Variants in CDH4 observed in about 807,000 individuals in gnomAD.
The protein encoded by CDH4 is cadherin-4.
Under a neutral mutation model 86.0 loss-of-function variants are expected in CDH4, and 33 were observed. The observed-to-expected ratio is 0.38, with a 90% CI of 0.29 to 0.51. The LOEUF (loss-of-function observed/expected upper bound fraction) is 0.51, where lower values mean the gene tolerates loss of function less well. CDH4 is among the 20% of genes least tolerant of loss of function. CDH4 has a pLI of 0.86. For missense variants in CDH4, 1,114 were observed against 1,307.4 expected (o/e 0.85, Z 2.28); for synonymous variants, 555 against 549.4 (o/e 1.01, Z -0.14).
At chr20:61,260,991 C>G (rs1382785306) in intron 2 of CDH4, among the ~76,000 whole-genome samples, 1 of 152,214 alleles carries the variant, frequency 6.6e-6, no homozygotes, top group Non-Finnish European at 1.5e-5. Context: ...CCTGGTAGCC[C>G]TGGTTAGAAA....
rs2054732578 is a variant in CDH4 at position 61,902,033 on chromosome 20, A to C, written c.1188+6986A>C. ...CAGACAAAAATTAAGTACAGCAGCA[A>C]ATCACCAAGATGCAGTCCTGCGTGT... On this transcript the variant is annotated intron_variant, in intron 8 of 15. Transcript: ENST00000614565. This position sits in a 1 kb window ranked among gnomAD's most constrained non-coding sequence, Gnocchi z 4.6. Among the ~76,000 whole-genome samples the C allele has an allele frequency of 6.6e-6, 1 of 152,190 alleles. No homozygotes were observed. Among genetic ancestry groups the C allele is most frequent in the Non-Finnish European group, 1.5e-5 (1 of 68,024 alleles).
chr20:61,751,221 T>C (rs1431299843), intron 3 of CDH4, among the ~76,000 whole-genome samples: 2 of 152,208 alleles, frequency 1.3e-5, no homozygotes, highest in African/African-American at 2.4e-5. Context: ...TCCTGTGTGC[T>C]ACAGGATAGT....
At chr20:61,520,612 G>C (rs2085861575) in intron 2 of CDH4, among the ~76,000 whole-genome samples, 1 of 152,196 alleles carries the variant, frequency 6.6e-6, no homozygotes, top group Non-Finnish European at 1.5e-5. Context: ...CAGGCACCAG[G>C]CTTGGCATTT....
chr20:61,361,376 T>C (rs749538782), intron 2 of CDH4, among the ~76,000 whole-genome samples: 1 of 152,070 alleles, frequency 6.6e-6, no homozygotes, highest in South Asian at 2.1e-4. Context: ...AGGGAGAACT[T>C]GTAGAAATGG....
At position 61,487,034 on chromosome 20, in the gene CDH4, G is replaced by C. The variant is rs116874108; in HGVS notation, c.169+232097G>C. On this transcript the variant is annotated intron_variant, in intron 2 of 15. Transcript: ENST00000614565. ...CTGGAGTCACAGTCAAGGTCAGCTA[G>C]ATTTTCTCCTATGTTATCTTCCAGG... Among the ~76,000 whole-genome samples the C allele has an allele frequency of 1.4e-3, 208 of 152,308 alleles. 1 individual carries two copies. The highest frequency in any genetic ancestry group is 0.01 in the Middle Eastern group (3 of 294).
At chr20:61,808,227 C>T (rs1023585294) in intron 4 of CDH4, among the ~76,000 whole-genome samples, 6 of 151,958 alleles carry the variant, frequency 3.9e-5, no homozygotes, top group African/African-American at 1.2e-4. Flanking sequence ...AAAATCACCC[C>T]GTCTCAGCCA....
At position 61,377,524 on chromosome 20, in the gene CDH4, C is replaced by T. The variant is rs1038901592; in HGVS notation, c.169+122587C>T. ...TTGTATAAAGAGGAGGCTGTGGTTA[C>T]GGTGACCTTCAAATGTCCTTGTTAA... On this transcript the variant is annotated intron_variant, in intron 2 of 15. Coordinates refer to ENST00000614565, the MANE Select transcript of CDH4 (RefSeq NM_001794.5). This position sits in a 1 kb window ranked among gnomAD's most constrained non-coding sequence, Gnocchi z 4.0. Among the ~76,000 whole-genome samples, 3 of 152,174 alleles carry T rather than the reference C, an allele frequency of 2.0e-5. No homozygotes were observed. The highest frequency in any genetic ancestry group is 1.3e-4 in the Admixed American group (2 of 15,276).
intron 2 of CDH4, among the ~76,000 whole-genome samples, chr20:61,444,110 G>A (rs111164176): frequency 0.029 from 4,329 of 151,336 alleles, 97 homozygotes; most frequent in Non-Finnish European, 0.044. Context: ...GTGTGTGATT[G>A]TGTGTATCTC....
In CDH4 at chr20:61,301,964, G is replaced by A. The variant is rs78749984; in HGVS notation, c.169+47027G>A. ...ACATGCGCTTTTACGCCATACTTCC[G>A]TTGCTGACTGACAATATTGGAAGTT... On this transcript the variant is annotated intron_variant, in intron 2 of 15. Coordinates refer to ENST00000614565, the MANE Select transcript of CDH4 (RefSeq NM_001794.5). 6.0e-3 allele frequency among the ~76,000 whole-genome samples: 911 copies of A among 152,326 alleles called. 10 individuals are homozygous for A. Among genetic ancestry groups the A allele is most frequent in the African/African-American group, 0.021 (863 of 41,566 alleles).
Position 61,730,880 on chromosome 20 carries a change from C to A in CDH4, c.170-12683C>A, listed in dbSNP as rs944244. On this transcript the variant is annotated intron_variant, in intron 2 of 15. Transcript: ENST00000614565. ...GGAGACCACTGGGCCATGCAGGCAG[C>A]GGGCTGAGCTGGGCGGCGGGGTCTG... 2.0e-5 allele frequency among the ~76,000 whole-genome samples: 3 copies of A among 150,158 alleles called. 1 individual carries two copies. The South Asian group carries it at 6.5e-4, about 32-fold the overall frequency.
At chr20:61,280,495 G>T (rs2084252908) in intron 2 of CDH4, among the ~76,000 whole-genome samples, 1 of 152,168 alleles carries the variant, frequency 6.6e-6, no homozygotes, top group Admixed American at 6.5e-5. Flanking sequence ...TGGCGGTGGG[G>T]GCCGATGTCC....
At chr20:61,591,777 T>C (rs1403110421) in intron 2 of CDH4, among the ~76,000 whole-genome samples, 1 of 152,224 alleles carries the variant, frequency 6.6e-6, no homozygotes, top group African/African-American at 2.4e-5. Context: ...TCATATGCAA[T>C]TGGTTTTCTG....
intron 6 of CDH4, among the ~76,000 whole-genome samples, chr20:61,858,888 C>T (rs1420089197): frequency 3.9e-5 from 6 of 152,104 alleles, no homozygotes; most frequent in East Asian, 1.9e-4. Context: ...CATGGGGTCT[C>T]GTGTGAACAT....
chr20:61,336,661 T>G (rs556024803), intron 2 of CDH4, among the ~76,000 whole-genome samples: 1 of 152,324 alleles, frequency 6.6e-6, no homozygotes, highest in East Asian at 1.9e-4. Flanking sequence ...AGGATGAAAC[T>G]TCTTTTTGAC....
chr20:61,695,641 C>G (rs2087707510), intron 2 of CDH4, among the ~76,000 whole-genome samples: 1 of 152,164 alleles, frequency 6.6e-6, no homozygotes, highest in African/African-American at 2.4e-5. Context: ...AGCAGTGAAC[C>G]CCTGGATCCT....
chr20:61,332,340 CG>C (rs1387178246), intron 2 of CDH4, among the ~76,000 whole-genome samples: 1 of 152,202 alleles, frequency 6.6e-6, no homozygotes, highest in Non-Finnish European at 1.5e-5. Flanking sequence ...CTAGAGAGTC[CG>C]GGAAACCCAT....
At chr20:61,531,472 C>CAA (rs956436259) in intron 2 of CDH4, among the ~76,000 whole-genome samples, 1,056 of 42,388 alleles carry the variant, frequency 0.025, 25 homozygotes, top group African/African-American at 0.088. Flanking sequence ...GACTGCATCT[C>CAA]AAAAAAAAAA....
intron 2 of CDH4, among the ~76,000 whole-genome samples, chr20:61,464,308 G>A (rs2085461147): frequency 6.6e-6 from 1 of 152,154 alleles, no homozygotes; most frequent in Non-Finnish European, 1.5e-5. Flanking sequence ...AGTTATTATG[G>A]ATGTAATCCT....
chr20:61,317,119 C>A (rs1219304908), intron 2 of CDH4, among the ~76,000 whole-genome samples: 1 of 152,058 alleles, frequency 6.6e-6, no homozygotes, highest in Admixed American at 6.6e-5. Flanking sequence ...TGGCTCATGC[C>A]TGTGATCCCG....
Sources: gnomAD v4.1 joint callset for allele counts (sites outside exome capture counted in the v4.1 genomes callset) on GRCh38, gnomAD v4.1.1 for gene constraint, Gnocchi (gnomAD v3.1) non-coding constraint, MANE v1.5 for transcripts, NCBI Gene and HGNC (gene_info 2026-07-23, HGNC 2026-07-21) for gene names.